SLC8A1: variants seen among roughly 807,000 people sequenced by gnomAD.
SLC8A1 encodes the protein solute carrier family 8 member A1.
A neutral mutation model predicts 68.3 loss-of-function variants in SLC8A1; 18 were observed. The observed-to-expected ratio is 0.26, with a 90% CI of 0.18 to 0.39. The LOEUF (loss-of-function observed/expected upper bound fraction) is 0.39, where lower values mean the gene tolerates loss of function less well. Among genes scored for constraint, SLC8A1 ranks in the 10% least tolerant of loss-of-function variants. The pLI, the probability that SLC8A1 is intolerant of heterozygous loss-of-function variation, is 1.00. For missense variants in SLC8A1, 985 were observed against 1,156.7 expected (o/e 0.85, Z 2.15); for synonymous variants, 475 against 415.5 (o/e 1.14, Z -1.74).
At chr2:40,361,073 TAGAGA>T (rs1048462329) in intron 2 of SLC8A1, among the ~76,000 whole-genome samples, 13 of 151,726 alleles carry the variant, frequency 8.6e-5, no homozygotes, top group African/African-American at 2.9e-4. Context: ...TCAGATAGAG[TAGAGA>T]AAAGAGGTGA....
At chr2:40,356,245 G>A (rs1011278016) in intron 2 of SLC8A1, among the ~76,000 whole-genome samples, 1 of 152,088 alleles carries the variant, frequency 6.6e-6, no homozygotes, top group Non-Finnish European at 1.5e-5. Flanking sequence ...CCTTAAGTGT[G>A]AAGACTAATT....
chr2:40,182,241 G>C (rs1482762524), intron 2 of SLC8A1, among the ~76,000 whole-genome samples: 2 of 152,136 alleles, frequency 1.3e-5, no homozygotes, highest in Admixed American at 1.3e-4. Flanking sequence ...TATAATTCTT[G>C]CATTTTTACT....
chr2:40,484,318 A>G (rs1704815553), intron 1 of SLC8A1, among the ~76,000 whole-genome samples: 1 of 152,188 alleles, frequency 6.6e-6, no homozygotes, highest in Non-Finnish European at 1.5e-5. Context: ...GACTGGCATT[A>G]TCCAATGCCA....
intron 4 of SLC8A1, among the ~76,000 whole-genome samples, chr2:40,166,227 T>C (rs1288817808): frequency 6.6e-6 from 1 of 152,192 alleles, no homozygotes; most frequent in Non-Finnish European, 1.5e-5. Context: ...CCATTGTTGC[T>C]TTGGCAGCTG....
At chr2:40,219,457 A>G (rs1379378705) in intron 2 of SLC8A1, among the ~76,000 whole-genome samples, 2 of 152,242 alleles carry the variant, frequency 1.3e-5, no homozygotes, top group Non-Finnish European at 2.9e-5. Context: ...TCAACCTTTA[A>G]GAGCTCATTG....
intron 6 of SLC8A1, among the ~76,000 whole-genome samples, chr2:40,146,556 T>C (rs912713388): frequency 2.0e-5 from 3 of 152,130 alleles, no homozygotes; most frequent in Non-Finnish European, 2.9e-5. Flanking sequence ...ATTATTGTTA[T>C]GTACTCACCA....
chr2:40,406,451 G>C (rs938772401), intron 2 of SLC8A1, among the ~76,000 whole-genome samples: 1 of 152,052 alleles, frequency 6.6e-6, no homozygotes, highest in African/African-American at 2.4e-5. Context: ...ATAAATAAAC[G>C]TCAGAAAATT....
intron 2 of SLC8A1, among the ~76,000 whole-genome samples, chr2:40,302,565 G>A (rs994026756): frequency 1.4e-5 from 2 of 147,516 alleles, no homozygotes; most frequent in African/African-American, 5.0e-5. Flanking sequence ...ATATATATCT[G>A]TATAACATAT....
At chr2:40,371,926 A>G (rs1362365462) in intron 2 of SLC8A1, among the ~76,000 whole-genome samples, 1 of 152,102 alleles carries the variant, frequency 6.6e-6, no homozygotes, top group Non-Finnish European at 1.5e-5. Flanking sequence ...GAGACAAAAA[A>G]CCAGGACTAT....
chr2:40,178,094 C>A (rs2048798211), intron 2 of SLC8A1, among the ~76,000 whole-genome samples: 1 of 152,218 alleles, frequency 6.6e-6, no homozygotes, highest in African/African-American at 2.4e-5. Flanking sequence ...GTAGGTACCC[C>A]ATTTTGGGGT....
At chr2:40,216,209 T>C (rs1391776263) in intron 2 of SLC8A1, among the ~76,000 whole-genome samples, 1 of 151,954 alleles carries the variant, frequency 6.6e-6, no homozygotes, top group African/African-American at 2.4e-5. Context: ...CCTGTGTCCA[T>C]GTGTTCTCAA....
intron 7 of SLC8A1, among the ~76,000 whole-genome samples, chr2:40,128,230 C>G (rs949500920): frequency 5.9e-5 from 9 of 152,202 alleles, no homozygotes; most frequent in African/African-American, 2.2e-4. Flanking sequence ...TTTATTTGTT[C>G]TCTTTTCTAA....
chr2:40,177,752 C>T, exon 3 of SLC8A1: 1 of 1,536,804 alleles, frequency 6.5e-7, no homozygotes, highest in Non-Finnish European at 8.8e-7. Context: ...ACTCTCACAC[C>T]TTTCATTCCT....
chr2:40,184,521 T>G (rs915626584), intron 2 of SLC8A1, among the ~76,000 whole-genome samples: 3 of 152,154 alleles, frequency 2.0e-5, no homozygotes, highest in Non-Finnish European at 4.4e-5. Context: ...GCATCAGCGT[T>G]TACACTCATG....
At chr2:40,351,669 A>G (rs1671143551) in intron 2 of SLC8A1, among the ~76,000 whole-genome samples, 1 of 152,162 alleles carries the variant, frequency 6.6e-6, no homozygotes, top group Admixed American at 6.6e-5. Flanking sequence ...AACTTTTGGC[A>G]TGCACTAAAA....
At chr2:40,236,171 T>C (rs1421176529) in intron 2 of SLC8A1, among the ~76,000 whole-genome samples, 37 of 151,844 alleles carry the variant, frequency 2.4e-4, no homozygotes, top group East Asian at 7.7e-4. Flanking sequence ...CTTTCTGTCT[T>C]GTTGATCTGT....
At chr2:40,450,351 AGT>A (rs141272449) in intron 1 of SLC8A1, among the ~76,000 whole-genome samples, 6,434 of 149,766 alleles carry the variant, frequency 0.043, 132 homozygotes, top group African/African-American at 0.049. Context: ...AAAGCATGTG[AGT>A]GTGTGTGTGT....
intron 2 of SLC8A1, among the ~76,000 whole-genome samples, chr2:40,330,584 G>A (rs1166290494): frequency 6.6e-6 from 1 of 151,858 alleles, no homozygotes; most frequent in Non-Finnish European, 1.5e-5. Context: ...TCCAAGCAGG[G>A]ACACACACAC....
exon 8 of SLC8A1, chr2:40,102,362 G>T (rs182223050): frequency 1.4e-5 from 2 of 147,264 alleles, no homozygotes; most frequent in African/African-American, 5.0e-5. Context: ...TGCTGACTTG[G>T]TTTTTTTTTT....
Sources: gnomAD v4.1 joint callset for allele counts (sites outside exome capture counted in the v4.1 genomes callset) on GRCh38, gnomAD v4.1.1 for gene constraint, MANE v1.5 for transcripts, NCBI Gene and HGNC (gene_info 2026-07-23, HGNC 2026-07-21) for gene names.